Variants in DNAH11 observed in about 807,000 individuals in gnomAD.
The protein encoded by DNAH11 is axonemal beta dynein heavy chain 11.
DNAH11 carries 442 observed loss-of-function variants against 526.0 expected under a neutral mutation model. The ratio of observed to expected loss-of-function variants is 0.84; its 90% CI spans 0.78 to 0.91. The LOEUF is 0.91. DNAH11 is among the 40% of genes least tolerant of loss of function. DNAH11 has a pLI of 0.00. For missense variants in DNAH11, 6,989 were observed against 5,448.7 expected (o/e 1.28, Z -8.90); for synonymous variants, 2,461 against 1,935.9 (o/e 1.27, Z -7.12).
At chr7:21,877,677 C>A (rs1783768459) in intron 74 of DNAH11, among the ~76,000 whole-genome samples, 1 of 151,846 alleles carries the variant, frequency 6.6e-6, no homozygotes, top group African/African-American at 2.4e-5. Context: ...AGATTGAGAT[C>A]ATCCTGGCTA....
In DNAH11 at chr7:21,600,084, C is replaced by T. The variant is rs753010997; in HGVS notation, c.2965C>T (p.Arg989Ter). 3.2e-6 allele frequency: 5 copies of T among 1,553,936 alleles called. No homozygotes were observed. The highest frequency in any genetic ancestry group is 1.2e-5 in the South Asian group (1 of 80,930). ...NSFRMSAQMNRIATHLEIKNY... is the reference protein window; with the variant it reads ...NSFRMSAQMN The stretch of plus-strand genomic sequence containing the variant: ...TTTTAGAATGTCTGCCCAGATGAAC[C>T]GAATAGCAACACACCTGGAAATTAA... Residue 989 changes from arginine to a stop codon, truncating the protein, a stop_gained, in exon 15 of 82, where the codon CGA becomes TGA. Transcript: ENST00000409508. LOFTEE classifies it high-confidence loss of function.
intron 76 of DNAH11, 119 bp from the exon 77 acceptor site, chr7:21,892,306 T>C: frequency 7.0e-7 from 1 of 1,418,672 alleles, no homozygotes; most frequent in East Asian, 2.3e-5. Context: ...TTAGGGAGCC[T>C]GCTACCCAGA....
intron 68 of DNAH11, among the ~76,000 whole-genome samples, chr7:21,856,940 C>A (rs556312977): frequency 6.6e-6 from 1 of 152,158 alleles, no homozygotes; most frequent in Admixed American, 6.5e-5. Context: ...ATATCTTTCT[C>A]TCAGCACATC....
rs144558451 is a variant in DNAH11 at position 21,784,826 on chromosome 7, G to A, written c.9597+286G>A. Among the ~76,000 whole-genome samples the A allele has an allele frequency of 5.4e-3, 824 of 152,264 alleles. 5 individuals are homozygous for A. Among genetic ancestry groups the A allele is most frequent in the African/African-American group, 0.019 (784 of 41,554 alleles). Reference sequence around the variant, plus strand: ...TACTCTTAGGAAAGGCAACTGGATTGTTGGTAACTGGATTTGACCCAAATC... The same window carrying A: ...TACTCTTAGGAAAGGCAACTGGATTATTGGTAACTGGATTTGACCCAAATC... On this transcript the variant is annotated intron_variant, in intron 58 of 81. Transcript: ENST00000409508.
intron 2 of DNAH11, among the ~76,000 whole-genome samples, chr7:21,555,458 C>T (rs766540792): frequency 2.0e-5 from 3 of 152,194 alleles, no homozygotes; most frequent in South Asian, 2.1e-4. Context: ...CCAAGCTTTT[C>T]CCTGTGTACT....
chr7:21,738,717 C>G lies in DNAH11; in HGVS notation c.7662C>G (p.Pro2554=), dbSNP rs747507017. ...STALQKILEK[P]LEKKAGHNYG... ...TTATTTCAGAAATTCTTGAGAAACC[C>G]CTAGAGAAAAAAGCTGGTCATAACT... Residue 2554 remains proline (P), a synonymous_variant, in exon 47 of 82, where the codon CCC becomes CCG. Transcript: ENST00000409508. The G allele has an allele frequency of 6.3e-6, 10 of 1,576,604 alleles. No homozygotes were observed. The African/African-American group carries it at 9.5e-5, about 15-fold the overall frequency.
chr7:21,765,702 C>T, intron 55 of DNAH11, 113 bp downstream of exon 55: 1 of 1,303,490 alleles, frequency 7.7e-7, no homozygotes, highest in Non-Finnish European at 1.0e-6. Flanking sequence ...CAGTACATCT[C>T]CTATCAGAAA....
chr7:21,640,513 T>C (rs971464811), intron 28 of DNAH11, among the ~76,000 whole-genome samples: 1 of 152,046 alleles, frequency 6.6e-6, no homozygotes, highest in Non-Finnish European at 1.5e-5. Flanking sequence ...GCATTCTTTT[T>C]CTTTTAATCA....
At position 21,588,583 on chromosome 7, in the gene DNAH11, G is replaced by C. The variant is rs1250951572; in HGVS notation, c.1920G>C (p.Gln640His). The C allele has an allele frequency of 3.7e-6, 6 of 1,613,692 alleles. No individual in the cohort carries two copies. In the South Asian group the frequency reaches 6.6e-5, roughly 18 times the overall value. ...CAGGAAATATGAAATGGGCCCAGCA[G>C]GTTCTCCAACGACTTCAAATGTTTT... ...FTSGNMKWAQ[Q>H]VLQRLQMFWS... is the part of the protein sequence containing the mutation. Residue 640 changes from glutamine to histidine, a missense_variant, in exon 11 of 82, where the codon CAG becomes CAC. Physicochemically the swap from Gln to His is conservative, Grantham distance 24 (BLOSUM62 0). Transcript: ENST00000409508.
At chr7:21,642,973 A>C (rs755291783) in intron 28 of DNAH11, among the ~76,000 whole-genome samples, 1 of 152,186 alleles carries the variant, frequency 6.6e-6, no homozygotes, top group Non-Finnish European at 1.5e-5. Flanking sequence ...TCCTTCCCTC[A>C]AAATTTAGCC....
Position 21,900,955 on chromosome 7 carries a change from A to ATCAT in DNAH11, c.13304-50_13304-47dup. On this transcript the variant is annotated intron_variant, in intron 81 of 81. Coordinates refer to ENST00000409508, the MANE Select transcript of DNAH11 (RefSeq NM_001277115.2). The stretch of plus-strand genomic sequence containing the variant: ...GCATCAAACAACTTACTTGATCATT[A>ATCAT]TCATTAGTAGCAAGCTGCCACACAA... 2.0e-6 allele frequency: 3 copies of ATCAT among 1,511,010 alleles called. No individual in the cohort carries two copies. In the South Asian group the frequency reaches 4.2e-5, roughly 21 times the overall value. 93.6% of individuals were successfully genotyped at this position (1,511,010 alleles called of 1,614,324 possible). A position where few individuals can be genotyped will look rare whatever the true frequency, so the allele number is the denominator to read the frequency against.
In DNAH11 at chr7:21,884,512, T is replaced by C. The variant is rs1050761366; in HGVS notation, c.12507+102T>C. On this transcript the variant is annotated intron_variant, in intron 76 of 81. Transcript: ENST00000409508. ...ATACTATGGGCAATTCTTAATGTTA[T>C]TGAGGATGCTTGGCCTTTTGGGAAA... The C allele has an allele frequency of 9.8e-6, 12 of 1,230,428 alleles. No individual in the cohort carries two copies. In the Admixed American group the frequency reaches 2.9e-4, roughly 29 times the overall value. The allele number at this position is 1,230,428 out of a possible 1,614,324, so 76.2% of individuals were successfully genotyped here.
At chr7:21,579,232 A>C (rs1784219412) in intron 8 of DNAH11, among the ~76,000 whole-genome samples, 1 of 152,244 alleles carries the variant, frequency 6.6e-6, no homozygotes, top group Non-Finnish European at 1.5e-5. Flanking sequence ...GAATACAGCA[A>C]CATTTTTATA....
At chr7:21,575,813 C>T (rs186582003) in intron 8 of DNAH11, among the ~76,000 whole-genome samples, 1 of 152,320 alleles carries the variant, frequency 6.6e-6, no homozygotes, top group Admixed American at 6.5e-5. Context: ...GCATTAATAG[C>T]ATTTATACCT....
intron 15 of DNAH11, 146 bp downstream of exon 15, chr7:21,600,265 G>A: frequency 2.9e-6 from 2 of 679,544 alleles, no homozygotes; most frequent in Non-Finnish European, 4.6e-6. Flanking sequence ...TTCAAGACCA[G>A]CCTAAGCAGC....
intron 28 of DNAH11, among the ~76,000 whole-genome samples, chr7:21,642,152 G>A (rs1432619402): frequency 1.3e-5 from 2 of 152,182 alleles, no homozygotes; most frequent in Non-Finnish European, 2.9e-5. Context: ...ATTCCAAGTT[G>A]TGCTCAAAAT....
intron 35 of DNAH11, among the ~76,000 whole-genome samples, chr7:21,693,459 G>A (rs1402823801): frequency 6.6e-6 from 1 of 152,150 alleles, no homozygotes; most frequent in Non-Finnish European, 1.5e-5. Context: ...TCTGGCTTTG[G>A]CATCAGAGTA....
rs189174613 is a variant in DNAH11, at chr7:21,681,516, C to G, written c.5329-30C>G. On this transcript the variant is annotated intron_variant, in intron 30 of 81. Coordinates refer to ENST00000409508, the MANE Select transcript of DNAH11 (RefSeq NM_001277115.2). ...CTTAAATTCTGTATTTGTAACCCTT[C>G]TCTCCTTTTTAAAAAATGATTCCTT... 6.8e-5 allele frequency: 109 copies of G among 1,605,558 alleles called. No homozygotes were observed. The East Asian group carries it at 2.2e-3, about 32-fold the overall frequency.
At chr7:21,706,167 G>T (rs1472144547) in intron 39 of DNAH11, among the ~76,000 whole-genome samples, 1 of 152,012 alleles carries the variant, frequency 6.6e-6, no homozygotes, top group African/African-American at 2.4e-5. Flanking sequence ...CATTATGTAT[G>T]ATTTACTCGG....
Sources: allele counts gnomAD v4.1 joint callset (sites outside exome capture counted in the v4.1 genomes callset), GRCh38; gene constraint gnomAD v4.1.1; transcripts MANE v1.5; gene names NCBI Gene and HGNC (gene_info 2026-07-23, HGNC 2026-07-21).